Variants in CD300LG observed in about 807,000 individuals in gnomAD.
CD300LG encodes the protein CMRF35-like molecule 9.
CD300LG carries 29 observed loss-of-function variants against 31.5 expected under a neutral mutation model. That is an observed-to-expected ratio of 0.92 (90% confidence interval 0.68 to 1.25). The LOEUF is 1.25. Ranked by LOEUF, CD300LG falls within the 50% of genes most tolerant of loss-of-function variation. CD300LG has a pLI of 0.00. For missense variants in CD300LG, 396 were observed against 417.6 expected, an observed-to-expected ratio of 0.95 and a Z score of 0.45; for synonymous variants, 175 against 177.2, an observed-to-expected ratio of 0.99 and a Z score of 0.10.
At chr17:43,857,511 T>G in intron 6 of CD300LG, 238 of 1,443,368 alleles carry the variant, frequency 1.6e-4, no homozygotes, top group Non-Finnish European at 2.0e-4. Flanking sequence ...TTGAGATCTC[T>G]AGCCTGACTT....
chr17:43,861,468 T>TC (rs913874281), intron 6 of CD300LG, among the ~76,000 whole-genome samples: 3 of 152,156 alleles, frequency 2.0e-5, no homozygotes, highest in Non-Finnish European at 4.4e-5. Flanking sequence ...CCTCTTTTTT[T>TC]CCGGTCCAGA....
chr17:43,854,719 C>T (rs1292583381), intron 4 of CD300LG, among the ~76,000 whole-genome samples: 6 of 152,136 alleles, frequency 3.9e-5, no homozygotes, highest in South Asian at 2.1e-4. Context: ...ACTGCATGAC[C>T]TAACGAGTCG....
At chr17:43,858,161 G>C in intron 6 of CD300LG, 1 of 1,257,822 alleles carries the variant, frequency 8.0e-7, no homozygotes, top group Non-Finnish European at 1.0e-6. Context: ...ACTCAGGCCT[G>C]GTCACCCCAA....
chr17:43,856,686 C>A (rs2046530202), intron 5 of CD300LG, among the ~76,000 whole-genome samples: 1 of 152,204 alleles, frequency 6.6e-6, no homozygotes, highest in South Asian at 2.1e-4. Flanking sequence ...TAGCACCTTG[C>A]ATCTCAAACT....
chr17:43,850,651 G>GTT (rs376241021), intron 2 of CD300LG, among the ~76,000 whole-genome samples: 1 of 146,928 alleles, frequency 6.8e-6, no homozygotes, highest in African/African-American at 2.5e-5. Flanking sequence ...TTGGTTTTTT[G>GTT]TTTTTTTTTT....
At chr17:43,860,178 C>T (rs1001081583) in intron 6 of CD300LG, among the ~76,000 whole-genome samples, 2 of 152,180 alleles carry the variant, frequency 1.3e-5, no homozygotes, top group Admixed American at 6.5e-5. Flanking sequence ...ACACCCTGCC[C>T]GGATGGCAGC....
chr17:43,857,411 A>G, intron 6 of CD300LG: 1 of 1,536,812 alleles, frequency 6.5e-7, no homozygotes, highest in Non-Finnish European at 8.7e-7. Flanking sequence ...GGTGGGCTCC[A>G]GGAGCCATGT....
In CD300LG at chr17:43,861,907, C is replaced by T. The variant is rs755265245; in HGVS notation, c.995C>T (p.Ala332Val). 1.5e-5 allele frequency: 24 copies of T among 1,606,148 alleles called. No individual in the cohort carries two copies. Among genetic ancestry groups the T allele is most frequent in the East Asian group, 9.0e-5 (4 of 44,478 alleles). The change falls in exon 7 of 7, where the codon GCG (alanine) becomes GTG (valine). Residue 332 changes from alanine (A) to valine (V), a missense_variant. Coordinates refer to ENST00000317310, the MANE Select transcript of CD300LG (RefSeq NM_145273.4). ...CTGGGCTTCTCGAAGTTTGTCTCAG[C>T]GTAGGGCAGGAGGCCCTCCTGGCCA... ...EELGFSKFVS[A>V] is the part of the protein sequence containing the mutation.
At chr17:43,855,514 G>T in intron 5 of CD300LG, 195 bp downstream of exon 5, 1 of 464,520 alleles carries the variant, frequency 2.2e-6, no homozygotes, top group Admixed American at 3.9e-5. Flanking sequence ...TAATTCACAA[G>T]GGGAAATGGG....
intron 6 of CD300LG, chr17:43,858,431 C>T (rs2046585929): frequency 1.0e-6 from 1 of 985,358 alleles, no homozygotes. Context: ...CCGGAACCAG[C>T]CACAGCTCCC....
At chr17:43,855,391 C>A in intron 5 of CD300LG, 72 bp downstream of exon 5, 1 of 857,154 alleles carries the variant, frequency 1.2e-6, no homozygotes, top group Non-Finnish European at 1.7e-6. Context: ...CTGCAGCTCC[C>A]CATCCAGCCC....
intron 5 of CD300LG, 33 bp from the exon 6 acceptor site, chr17:43,857,071 T>A: frequency 6.2e-7 from 1 of 1,613,166 alleles, no homozygotes; most frequent in South Asian, 1.1e-5. Flanking sequence ...TACTCCTGGC[T>A]TCAAGGGGCT....
rs748424993 is a variant in CD300LG, at chr17:43,853,996, C to T, written c.671C>T (p.Ser224Leu). 6 of 1,614,254 alleles carry T rather than the reference C, an allele frequency of 3.7e-6. No homozygotes were observed. In the Admixed American group the frequency reaches 8.3e-5, roughly 22 times the overall value. The change falls in exon 4 of 7, where the codon TCA (serine) becomes TTA (leucine). Residue 224 changes from serine to leucine, a missense_variant. Ser to Leu is a moderately radical substitution (Grantham distance 145, BLOSUM62 -2). Transcript: ENST00000317310. ...CCCCCCATGCAGCTGGACTCCACCT[C>T]AGCAGAGGACACCAGTCCAGCTCTC... is the stretch of plus-strand genomic sequence containing the variant. Reference protein sequence around the residue: ...SRPPMQLDSTSAEDTSPALSS... With the variant: ...SRPPMQLDSTLAEDTSPALSS...
intron 2 of CD300LG, 33 bp downstream of exon 2, chr17:43,848,926 AC>A: frequency 1.3e-6 from 2 of 1,583,742 alleles, no homozygotes; most frequent in Non-Finnish European, 1.7e-6. Context: ...CAGGCTGGGG[AC>A]AGGAGCTGCA....
At chr17:43,849,882 G>T (rs1429547249) in intron 2 of CD300LG, 2 of 151,744 alleles carry the variant, frequency 1.3e-5, no homozygotes, top group Non-Finnish European at 2.9e-5. Flanking sequence ...TTAATTTGAG[G>T]AAATAAAGTT....
At chr17:43,860,938 C>T (rs1423730055) in intron 6 of CD300LG, among the ~76,000 whole-genome samples, 1 of 152,206 alleles carries the variant, frequency 6.6e-6, no homozygotes, top group Non-Finnish European at 1.5e-5. Context: ...AGAGGTGAGA[C>T]AGCTTGTCCT....
In CD300LG at chr17:43,847,259, G is replaced by A. The variant is rs748263514; in HGVS notation, c.43G>A (p.Gly15Ser). The A allele has an allele frequency of 1.2e-6, 2 of 1,613,880 alleles. No homozygotes were observed. Among genetic ancestry groups the A allele is most frequent in the Non-Finnish European group, 1.7e-6 (2 of 1,179,924 alleles). The change falls in exon 1 of 7, where the codon GGT becomes AGT. Residue 15 changes from glycine (G) to serine (S), a missense_variant and splice_region_variant. Gly to Ser is a moderately conservative substitution (Grantham distance 56). Coordinates refer to ENST00000317310, the MANE Select transcript of CD300LG (RefSeq NM_145273.4). Reference protein sequence around the residue: ...VLLWGCLLLPGYEALEGPEEI... With the variant: ...VLLWGCLLLPSYEALEGPEEI... The stretch of plus-strand genomic sequence containing the variant: ...GCTATGGGGTTGCCTGCTGCTCCCA[G>A]GTGAGATGGGGAGAGGGTCTCGGGA...
rs553295360 is a variant in CD300LG at position 43,848,170 on chromosome 17, A to G, written c.44-388A>G. Among the ~76,000 whole-genome samples, 8 of 152,302 alleles carry G rather than the reference A, an allele frequency of 5.3e-5. No individual in the cohort carries two copies. The East Asian group carries it at 1.3e-3, about 26-fold the overall frequency. ...GGCAGGAGAATCACCTGAACCCGGG[A>G]GGCAGAAGTTTCAGTGAGCAGACAT... On this transcript the variant is annotated intron_variant, in intron 1 of 6. Coordinates refer to ENST00000317310, the MANE Select transcript of CD300LG (RefSeq NM_145273.4).
intron 2 of CD300LG, among the ~76,000 whole-genome samples, chr17:43,850,777 C>G (rs1486355503): frequency 6.6e-6 from 1 of 152,156 alleles, no homozygotes; most frequent in Non-Finnish European, 1.5e-5. Flanking sequence ...TGTGCCCAGC[C>G]AGCCTACTAT....
Sources: gnomAD v4.1 joint callset for allele counts (sites outside exome capture counted in the v4.1 genomes callset) on GRCh38, gnomAD v4.1.1 for gene constraint, MANE v1.5 for transcripts, NCBI Gene and HGNC (gene_info 2026-07-23, HGNC 2026-07-21) for gene names.